The following SYNE3 variants were observed in gnomAD, a reference collection of about 807,000 sequenced individuals.
SYNE3 encodes the protein spectrin repeat containing nuclear envelope family member 3, also known as nesprin-3.
SYNE3 carries 100 observed loss-of-function variants against 111.2 expected under a neutral mutation model. The observed-to-expected ratio is 0.90, with a 90% CI of 0.77 to 1.06. SYNE3 has a LOEUF of 1.06. SYNE3 is among the 50% of genes least tolerant of loss of function. The pLI is 0.00. For synonymous variants in SYNE3, 547 were observed against 533.9 expected, an observed-to-expected ratio of 1.02 and a Z score of -0.34; for missense variants, 1,160 against 1,240.3, an observed-to-expected ratio of 0.94 and a Z score of 0.97.
intron 1 of SYNE3, among the ~76,000 whole-genome samples, chr14:95,502,062 G>A (rs888214386): frequency 1.3e-5 from 2 of 152,132 alleles, no homozygotes; most frequent in Non-Finnish European, 1.5e-5. Context: ...TGACCGCCCA[G>A]TGCCATGGTC....
chr14:95,502,162 G>A (rs1890360823), intron 1 of SYNE3, among the ~76,000 whole-genome samples: 1 of 152,108 alleles, frequency 6.6e-6, no homozygotes, highest in Non-Finnish European at 1.5e-5. Flanking sequence ...CCAAACCCCA[G>A]GAAACCTCTT....
At chr14:95,511,705 A>G (rs1469765906) in intron 1 of SYNE3, among the ~76,000 whole-genome samples, 1 of 151,854 alleles carries the variant, frequency 6.6e-6, no homozygotes, top group Non-Finnish European at 1.5e-5. Context: ...ACAGAGCAAG[A>G]CTCCTTCTCA....
At chr14:95,435,503 T>G (rs1488660401) in intron 15 of SYNE3, among the ~76,000 whole-genome samples, 2 of 152,078 alleles carry the variant, frequency 1.3e-5, no homozygotes, top group Non-Finnish European at 2.9e-5. Flanking sequence ...TAGTTACATA[T>G]GTTTAAATGA....
At position 95,457,419 on chromosome 14, in the gene SYNE3, GGTGTGTGTGT is replaced by G. The variant is rs36203973; in HGVS notation, c.628-91_628-82del. 20,544 of 1,400,568 alleles carry G rather than the reference GGTGTGTGTGT, an allele frequency of 0.015. 1,750 individuals are homozygous for G. The African/African-American group carries it at 0.23, about 16-fold the overall frequency. 86.8% of individuals were successfully genotyped at this position (1,400,568 alleles called of 1,614,324 possible). On this transcript the variant is annotated intron_variant, in intron 4 of 17. Transcript: ENST00000682763. ...GGCCAGAAAGCCCGTAGCCTGCCTGGGTGTGTGTGTGTGTGTGTGTGTGTGTTAGCAGGGG... is the reference window on the plus strand; with the variant it reads ...GGCCAGAAAGCCCGTAGCCTGCCTGGGTGTGTGTGTGTGTGTTAGCAGGGG...
At position 95,507,617 on chromosome 14, in the gene SYNE3, A is replaced by AT. The variant is rs1460220374; in HGVS notation, c.-15+8978dup. Among the ~76,000 whole-genome samples the AT allele has an allele frequency of 3.3e-5, 5 of 152,304 alleles. No homozygotes were observed. The South Asian group carries it at 1.0e-3, about 32-fold the overall frequency. On this transcript the variant is annotated intron_variant, in intron 1 of 17. Transcript: ENST00000682763. The stretch of plus-strand genomic sequence containing the variant: ...GGGACAAGAGACGCCACAAGATGAA[A>AT]TTTTTTTAAAAATTAATTTTCTAAA...
At chr14:95,486,415 G>A (rs899496742) in intron 1 of SYNE3, among the ~76,000 whole-genome samples, 2 of 151,908 alleles carry the variant, frequency 1.3e-5, no homozygotes, top group Non-Finnish European at 2.9e-5. Flanking sequence ...GAGGTGCCAG[G>A]CCTTACCCTC....
In SYNE3 at chr14:95,513,575, G is replaced by T. The variant is rs531641448; in HGVS notation, c.-15+3021C>A. Among the ~76,000 whole-genome samples, 5 of 151,902 alleles carry T rather than the reference G, an allele frequency of 3.3e-5. No homozygotes were observed. The South Asian group carries it at 8.3e-4, about 25-fold the overall frequency. On this transcript the variant is annotated intron_variant, in intron 1 of 17. Transcript: ENST00000682763. Reference sequence around the variant, plus strand: ...TCAAGAGGTCAAAATTAGGGCATCAGCTTCCCAAACTTGTCCCCCGTCCAC... The same window carrying T: ...TCAAGAGGTCAAAATTAGGGCATCATCTTCCCAAACTTGTCCCCCGTCCAC...
intron 17 of SYNE3, among the ~76,000 whole-genome samples, chr14:95,418,691 C>T (rs1203487511): frequency 6.6e-6 from 1 of 152,072 alleles, no homozygotes; most frequent in Non-Finnish European, 1.5e-5. Flanking sequence ...GCACCCTCCA[C>T]CTCCCAGGTT....
At chr14:95,423,366 C>T (rs948927349) in intron 17 of SYNE3, among the ~76,000 whole-genome samples, 1 of 152,176 alleles carries the variant, frequency 6.6e-6, no homozygotes, top group Non-Finnish European at 1.5e-5. Context: ...TATCTGCCAT[C>T]CCCCTGTGAG....
At chr14:95,464,962 G>A (rs1888073604) in intron 4 of SYNE3, among the ~76,000 whole-genome samples, 1 of 152,176 alleles carries the variant, frequency 6.6e-6, no homozygotes, top group Non-Finnish European at 1.5e-5. Context: ...ATCTCAGGGG[G>A]AAAATGACAT....
intron 4 of SYNE3, among the ~76,000 whole-genome samples, chr14:95,458,162 C>G (rs1415218012): frequency 6.6e-6 from 1 of 152,212 alleles, no homozygotes; most frequent in Non-Finnish European, 1.5e-5. Context: ...ATGCCCTGAT[C>G]ACAGTGCTGT....
intron 16 of SYNE3, 79 bp from the exon 17 acceptor site, chr14:95,432,196 G>A (rs1885812800): frequency 1.3e-6 from 2 of 1,496,370 alleles, no homozygotes; most frequent in Middle Eastern, 1.7e-4. Context: ...AACAGAGCCT[G>A]TAATGGAATA....
In SYNE3 at chr14:95,500,987, AT is replaced by A. The variant is rs1890313918; in HGVS notation, c.-15+15608del. On this transcript the variant is annotated intron_variant, in intron 1 of 17. Coordinates refer to ENST00000682763, the MANE Select transcript of SYNE3 (RefSeq NM_152592.6). This position sits in a 1 kb window ranked among gnomAD's most constrained non-coding sequence, Gnocchi z 4.7. ...TCTCAGACAATACTGGCTTTAATGA[AT>A]TTCTCTAAAGGGACTGATGGTCCAC... Among the ~76,000 whole-genome samples, 1 of 152,212 alleles carries A rather than the reference AT, an allele frequency of 6.6e-6. No homozygotes were observed. Among genetic ancestry groups the A allele is most frequent in the Non-Finnish European group, 1.5e-5 (1 of 68,034 alleles).
chr14:95,409,029 G>A lies in SYNE3; in HGVS notation c.*8797C>T. 1 of 403,946 alleles carries A rather than the reference G, an allele frequency of 2.5e-6. No homozygotes were observed. The highest frequency in any genetic ancestry group is 5.0e-6 in the Non-Finnish European group (1 of 198,724). The allele number at this position is 403,946 out of a possible 1,614,324, so 25.0% of individuals were successfully genotyped here. On this transcript the variant is annotated 3_prime_UTR_variant, in exon 18 of 18. Transcript: ENST00000682763. ...CCGCAGGAGTGGGCACAGGAGGAAA[G>A]CAGCATGCTGCCCCTGCTTTGGAAT...
chr14:95,472,507 A>T (rs1733008917), intron 2 of SYNE3, among the ~76,000 whole-genome samples: 1 of 152,198 alleles, frequency 6.6e-6, no homozygotes, highest in Non-Finnish European at 1.5e-5. Context: ...AAACCACAAG[A>T]AACGATCGCC....
intron 16 of SYNE3, among the ~76,000 whole-genome samples, chr14:95,432,572 C>T (rs1010307691): frequency 5.3e-5 from 8 of 152,054 alleles, no homozygotes; most frequent in Non-Finnish European, 1.2e-4. Flanking sequence ...ACAGCACCTC[C>T]TTTAAAGGGC....
intron 17 of SYNE3, among the ~76,000 whole-genome samples, chr14:95,426,640 C>T (rs1374558989): frequency 1.3e-5 from 2 of 151,914 alleles, no homozygotes; most frequent in East Asian, 1.9e-4. Context: ...AGGAAAGAGA[C>T]CGAGGGCACG....
chr14:95,476,180 A>T (rs919259000), intron 1 of SYNE3, among the ~76,000 whole-genome samples: 3 of 152,230 alleles, frequency 2.0e-5, no homozygotes, highest in East Asian at 3.8e-4. Flanking sequence ...GGACGTCAAA[A>T]CCTGCAGTCC....
intron 17 of SYNE3, among the ~76,000 whole-genome samples, chr14:95,423,009 A>T (rs1566954695): frequency 6.6e-6 from 1 of 152,194 alleles, no homozygotes; most frequent in South Asian, 2.1e-4. Flanking sequence ...ACTGAATTAC[A>T]GCCCTGCGTT....
Sources: allele counts gnomAD v4.1 joint callset (sites outside exome capture counted in the v4.1 genomes callset), GRCh38; gene constraint gnomAD v4.1.1; non-coding constraint Gnocchi (gnomAD v3.1); transcripts MANE v1.5; gene names NCBI Gene and HGNC (gene_info 2026-07-23, HGNC 2026-07-21).